BNIP5: variants seen among roughly 807,000 people sequenced by gnomAD.
BNIP5 encodes protein BNIP5.
BNIP5 carries 61 observed loss-of-function variants against 67.3 expected under a neutral mutation model. The observed-to-expected ratio is 0.91, with a 90% confidence interval of 0.74 to 1.12. The LOEUF is 1.12. BNIP5 is among the 50% of genes most tolerant of loss of function. The pLI is 0.00. For missense variants in BNIP5, 826 were observed against 816.3 expected (o/e 1.01, Z -0.14); for synonymous variants, 317 against 319.0 (o/e 0.99, Z 0.07).
intron 3 of BNIP5, among the ~76,000 whole-genome samples, chr6:36,328,312 AT>A (rs1561885178): frequency 1.3e-5 from 2 of 152,208 alleles, no homozygotes; most frequent in Admixed American, 6.5e-5. Context: ...TCTTCTACAT[AT>A]TTTTTAAAGT....
rs1351716767 is a variant in BNIP5, at chr6:36,324,111, G to T, written c.1230+18C>A. ...GCCCACAGTGAGGTCAGGGTTACAT[G>T]GGGAGCGTCTTCCTCACCTCCTCTC... On this transcript the variant is annotated intron_variant, in intron 7 of 11. Coordinates refer to ENST00000437635, the MANE Select transcript of BNIP5 (RefSeq NM_001010903.5). 6.2e-7 allele frequency: 1 copy of T among 1,606,176 alleles called. No homozygotes were observed. Among genetic ancestry groups the T allele is most frequent in the South Asian group, 1.1e-5 (1 of 90,908 alleles).
intron 11 of BNIP5, among the ~76,000 whole-genome samples, chr6:36,318,802 A>G (rs1771572285): frequency 6.6e-6 from 1 of 152,164 alleles, no homozygotes; most frequent in Admixed American, 6.5e-5. Context: ...TAGGAAAAGC[A>G]TAAATGCACT....
chr6:36,330,349 C>A lies in BNIP5; in HGVS notation c.342G>T (p.Glu114Asp), dbSNP rs773009518. 6.2e-7 allele frequency: 1 copy of A among 1,614,204 alleles called. No individual in the cohort carries two copies. The highest frequency in any genetic ancestry group is 1.1e-5 in the South Asian group (1 of 91,078). Reference sequence around the variant, plus strand: ...GCCTCCTGCTGGCCTTTTCTCTGGGCTCCTCAGGGCCCGTCCTCACGAAGA... The same window carrying A: ...GCCTCCTGCTGGCCTTTTCTCTGGGATCCTCAGGGCCCGTCCTCACGAAGA... Reference protein sequence around the residue: ...LNFFVRTGPEEPREKASRRPR... With the variant: ...LNFFVRTGPEDPREKASRRPR... Residue 114 changes from glutamate (E) to aspartate (D), a missense_variant, in exon 2 of 12, where the codon GAG becomes GAT. By Grantham distance (45) the Glu-to-Asp change is conservative (BLOSUM62 2). Coordinates refer to ENST00000437635, the MANE Select transcript of BNIP5 (RefSeq NM_001010903.5).
At chr6:36,325,470 T>C (rs1582128666) in intron 5 of BNIP5, 56 bp from the exon 6 acceptor site, 3 of 1,552,918 alleles carry the variant, frequency 1.9e-6, no homozygotes, top group East Asian at 2.2e-5. Context: ...CTGTTAACTA[T>C]GCACAGAAGC....
Position 36,316,565 on chromosome 6 carries a change from A to C in BNIP5, c.*791T>G. 1 of 398,768 alleles carries C rather than the reference A, an allele frequency of 2.5e-6. No homozygotes were observed. The highest frequency in any genetic ancestry group is 4.4e-6 in the Non-Finnish European group (1 of 226,144). The allele number at this position is 398,768 out of a possible 1,614,324, so 24.7% of individuals were successfully genotyped here. On this transcript the variant is annotated 3_prime_UTR_variant, in exon 12 of 12. Coordinates refer to ENST00000437635, the MANE Select transcript of BNIP5 (RefSeq NM_001010903.5). ...GCACCCCTGTGCAACAATCCATGGC[A>C]GTCCAGCCCATTGAAGCCCTCCTCC...
In BNIP5 at chr6:36,319,562, A is replaced by C. The variant is rs1407335498; in HGVS notation, c.1717T>G (p.Ser573Ala). The change falls in exon 11 of 12, where the codon TCC (serine) becomes GCC (alanine). Residue 573 changes from serine to alanine, a missense_variant. By Grantham distance (99) the Ser-to-Ala change is moderately conservative. Coordinates refer to ENST00000437635, the MANE Select transcript of BNIP5 (RefSeq NM_001010903.5). Reference protein sequence around the residue: ...FKRFFYEFSDSSLSKLVATLR... With the variant: ...FKRFFYEFSDASLSKLVATLR... ...GTGGCTACCAGCTTGCTGAGGGAGGAGTCCGAGAACTCGTAAAAAAACCTC... is the reference window on the plus strand; with the variant it reads ...GTGGCTACCAGCTTGCTGAGGGAGGCGTCCGAGAACTCGTAAAAAAACCTC... 1 of 1,614,058 alleles carries C rather than the reference A, an allele frequency of 6.2e-7. No individual in the cohort carries two copies. Among genetic ancestry groups the C allele is most frequent in the South Asian group, 1.1e-5 (1 of 91,076 alleles).
chr6:36,331,515 C>T (rs768583787), intron 1 of BNIP5, among the ~76,000 whole-genome samples: 51 of 152,140 alleles, frequency 3.4e-4, no homozygotes, highest in Non-Finnish European at 5.3e-4. Context: ...CTTTGGGCAG[C>T]TCAGGCACCT....
chr6:36,322,607 CCT>C (rs1771662055), intron 8 of BNIP5, among the ~76,000 whole-genome samples, 165 bp from the exon 9 acceptor site: 1 of 152,154 alleles, frequency 6.6e-6, no homozygotes, highest in African/African-American at 2.4e-5. Context: ...GCACTCCTGG[CCT>C]TCTCCAGAAA....
rs1406953463 is a variant in BNIP5 at position 36,336,867 on chromosome 6, T to G, written c.-160A>C. ...CAGGGAGAAGATGCCACTACTTTGG[T>G]GCTGGCAATTTTCTGAGTGTCTCAG... On this transcript the variant is annotated 5_prime_UTR_variant, in exon 1 of 12. Transcript: ENST00000437635. 1.3e-5 allele frequency: 2 copies of G among 152,336 alleles called. No homozygotes were observed. Among genetic ancestry groups the G allele is most frequent in the South Asian group, 2.1e-4 (1 of 4,832 alleles). The allele number at this position is 152,336 out of a possible 1,614,324, so 9.4% of individuals were successfully genotyped here.
intron 1 of BNIP5, among the ~76,000 whole-genome samples, chr6:36,334,794 A>ACTTTC (rs975232100): frequency 6.6e-6 from 1 of 152,148 alleles, no homozygotes; most frequent in Non-Finnish European, 1.5e-5. Flanking sequence ...TCAAAGCAAG[A>ACTTTC]CTTTCCTTTC....
rs1771804068 is a variant in BNIP5 at position 36,328,045 on chromosome 6, A to T, written c.727+553T>A. Among the ~76,000 whole-genome samples the T allele has an allele frequency of 1.3e-5, 2 of 152,126 alleles. 1 individual carries two copies. Among genetic ancestry groups the T allele is most frequent in the South Asian group, 4.2e-4 (2 of 4,818 alleles). ...AAATATGCTCATCTTTTTTACAGGG[A>T]ATTAGATGAATAGGGGATTATGCTC... On this transcript the variant is annotated intron_variant, in intron 3 of 11. Coordinates refer to ENST00000437635, the MANE Select transcript of BNIP5 (RefSeq NM_001010903.5).
intron 1 of BNIP5, among the ~76,000 whole-genome samples, chr6:36,331,319 G>A (rs1031135007): frequency 6.6e-6 from 1 of 152,210 alleles, no homozygotes; most frequent in Non-Finnish European, 1.5e-5. Context: ...CCCCTGAAAG[G>A]AACATAGCCC....
At chr6:36,330,760 G>A (rs1771887699) in intron 1 of BNIP5, 66 bp from the exon 2 acceptor site, 1 of 1,496,014 alleles carries the variant, frequency 6.7e-7, no homozygotes. Context: ...TTGTTTGTTT[G>A]TTTTGTTTGT....
chr6:36,334,364 C>G (rs1433730216), intron 1 of BNIP5, among the ~76,000 whole-genome samples: 1 of 152,192 alleles, frequency 6.6e-6, no homozygotes, highest in Non-Finnish European at 1.5e-5. Context: ...ATTCCAGGGT[C>G]TCCCAAGGTT....
At chr6:36,328,922 C>G (rs146720272) in intron 2 of BNIP5, among the ~76,000 whole-genome samples, 2 of 152,308 alleles carry the variant, frequency 1.3e-5, no homozygotes, top group African/African-American at 4.8e-5. Flanking sequence ...CAAGACACCT[C>G]TCTCGCTAAC....
rs1285185561 is a variant in BNIP5 at position 36,316,704 on chromosome 6, A to G, written c.*652T>C. 5.0e-6 allele frequency: 2 copies of G among 398,710 alleles called. No homozygotes were observed. The highest frequency in any genetic ancestry group is 4.4e-6 in the Non-Finnish European group (1 of 226,158). The allele number at this position is 398,710 out of a possible 1,614,324, so 24.7% of individuals were successfully genotyped here. A position where few individuals can be genotyped will look rare whatever the true frequency, so the allele number is the denominator to read the frequency against. On this transcript the variant is annotated 3_prime_UTR_variant, in exon 12 of 12. Transcript: ENST00000437635. ...ACTGACTCCTAGCCAATCCCATGAG[A>G]TGGGAGAGGTGCAAGGTATCAGCTC...
At chr6:36,324,571 GATATTAT>G (rs1771712490) in intron 6 of BNIP5, among the ~76,000 whole-genome samples, 2 of 74,242 alleles carry the variant, frequency 2.7e-5, no homozygotes, top group East Asian at 4.5e-4. Context: ...ACCTGACGGT[GATATTAT>G]ATATATATAT....
chr6:36,332,624 C>T (rs539266652), intron 1 of BNIP5, among the ~76,000 whole-genome samples: 1 of 152,266 alleles, frequency 6.6e-6, no homozygotes, highest in South Asian at 2.1e-4. Context: ...TCAGTGCTTT[C>T]GGGCCAATTT....
rs540474605 is a variant in BNIP5, at chr6:36,323,628, G to T, written c.1231-95C>A. The T allele has an allele frequency of 4.3e-6, 6 of 1,397,650 alleles. No individual in the cohort carries two copies. The East Asian group carries it at 1.4e-4, about 32-fold the overall frequency. 86.6% of individuals were successfully genotyped at this position (1,397,650 alleles called of 1,614,324 possible). A position where few individuals can be genotyped will look rare whatever the true frequency, so the allele number is the denominator to read the frequency against. On this transcript the variant is annotated intron_variant, in intron 7 of 11. Coordinates refer to ENST00000437635, the MANE Select transcript of BNIP5 (RefSeq NM_001010903.5). ...AGAGAGCCACGGTGGGCTAGCAGGC[G>T]TTGCCCAGAGAAGAGTGGTTGATGC... is the stretch of plus-strand genomic sequence containing the variant.
Sources: gnomAD v4.1 joint callset for allele counts (sites outside exome capture counted in the v4.1 genomes callset) on GRCh38, gnomAD v4.1.1 for gene constraint, MANE v1.5 for transcripts, NCBI Gene and HGNC (gene_info 2026-07-23, HGNC 2026-07-21) for gene names.